The following PVALEF variants were observed in gnomAD, a reference collection of about 807,000 sequenced individuals.
PVALEF encodes parvalbumin like EF-hand containing.
A neutral mutation model predicts 1.2 loss-of-function variants in PVALEF; 2 were observed. The ratio of observed to expected loss-of-function variants is 1.68; its 90% CI spans 0.69 to 5.28. PVALEF has a LOEUF of 5.28. Among genes scored for constraint, PVALEF ranks in the 30% most tolerant of loss-of-function variants. The pLI is 0.06. For missense variants in PVALEF, 35 were observed against 17.7 expected, an observed-to-expected ratio of 1.97 and a Z score of -1.75; for synonymous variants, 16 against 6.5, an observed-to-expected ratio of 2.47 and a Z score of -2.24.
At chr17:81,169,869 C>T (rs112676082) in intron 2 of PVALEF, among the ~76,000 whole-genome samples, 163 of 151,156 alleles carry the variant, frequency 1.1e-3, no homozygotes, top group African/African-American at 3.1e-3. Flanking sequence ...TGTTCAGTTG[C>T]GTGTGTTGGT....
chr17:81,182,464 G>A (rs2061558094), intron 6 of PVALEF, among the ~76,000 whole-genome samples: 4 of 152,216 alleles, frequency 2.6e-5, no homozygotes, highest in African/African-American at 2.4e-5. Context: ...AGGTGGGCTG[G>A]GCCTCCAGAC....
intron 6 of PVALEF, 64 bp from the exon 7 acceptor site, chr17:81,182,901 G>C: frequency 2.5e-6 from 1 of 398,432 alleles, no homozygotes; most frequent in Non-Finnish European, 4.4e-6. Context: ...GAGAGTTAAA[G>C]GGCCTACAGG....
intron 5 of PVALEF, 104 bp from the exon 6 acceptor site, chr17:81,181,862 G>A (rs992822823): frequency 4.0e-5 from 16 of 397,932 alleles, no homozygotes; most frequent in South Asian, 1.4e-4. Context: ...CCAGGCTCCC[G>A]GCCCGAAGTG....
intron 2 of PVALEF, among the ~76,000 whole-genome samples, chr17:81,178,021 G>C (rs1179213727): frequency 6.6e-6 from 1 of 152,154 alleles, no homozygotes; most frequent in Admixed American, 6.5e-5. Flanking sequence ...TCTACACCTG[G>C]CTGGGACGGG....
intron 2 of PVALEF, among the ~76,000 whole-genome samples, chr17:81,171,953 G>A (rs1333964878): frequency 1.3e-5 from 2 of 152,118 alleles, no homozygotes; most frequent in Non-Finnish European, 2.9e-5. Flanking sequence ...GACAGCACCT[G>A]CCCGTTCCCT....
chr17:81,181,434 G>C, intron 4 of PVALEF, 102 bp downstream of exon 4: 1 of 525,250 alleles, frequency 1.9e-6, no homozygotes, highest in East Asian at 3.2e-5. Context: ...AGGACACCAG[G>C]ACCTGCGGCG....
intron 2 of PVALEF, 131 bp downstream of exon 2, chr17:81,166,975 C>G (rs2061498540): frequency 9.8e-6 from 3 of 305,450 alleles, no homozygotes; most frequent in South Asian, 7.3e-5. Flanking sequence ...CCCCAGCCTG[C>G]CCCCGTGGGA....
intron 2 of PVALEF, among the ~76,000 whole-genome samples, chr17:81,174,381 C>T (rs2061529982): frequency 6.6e-6 from 1 of 152,184 alleles, no homozygotes; most frequent in Non-Finnish European, 1.5e-5. Context: ...GTAATCCCAG[C>T]ACTTTGGGAG....
intron 1 of PVALEF, 135 bp downstream of exon 1, chr17:81,165,882 T>C (rs2061483506): frequency 5.2e-6 from 8 of 1,548,946 alleles, no homozygotes; most frequent in Non-Finnish European, 7.0e-6. Flanking sequence ...CCCAGGGGCA[T>C]CACGTCCGCA....
intron 2 of PVALEF, among the ~76,000 whole-genome samples, chr17:81,177,740 A>G (rs920219455): frequency 2.2e-4 from 34 of 152,340 alleles, no homozygotes; most frequent in African/African-American, 6.5e-4. Context: ...GTGTTCATCT[A>G]CATATTCCAA....
intron 2 of PVALEF, among the ~76,000 whole-genome samples, chr17:81,177,701 T>G (rs2061540352): frequency 7.0e-6 from 1 of 143,028 alleles, no homozygotes; most frequent in Non-Finnish European, 1.5e-5. Flanking sequence ...GCATCAAACG[T>G]GTGTTCTGCA....
At chr17:81,169,740 G>A (rs1370162055) in intron 2 of PVALEF, among the ~76,000 whole-genome samples, 3 of 141,280 alleles carry the variant, frequency 2.1e-5, no homozygotes, top group African/African-American at 5.2e-5. Flanking sequence ...GTGCGTGTGT[G>A]TGTACGTGTC....
chr17:81,176,466 C>A (rs1298643215), intron 2 of PVALEF, among the ~76,000 whole-genome samples: 1 of 152,018 alleles, frequency 6.6e-6, no homozygotes, highest in Non-Finnish European at 1.5e-5. Context: ...TGCAGTGAGC[C>A]GAGGTCATGC....
chr17:81,181,816 G>A (rs2146452035), intron 5 of PVALEF, 122 bp downstream of exon 5: 2 of 398,062 alleles, frequency 5.0e-6, no homozygotes, highest in South Asian at 1.4e-4. Context: ...GCAGGGCTGG[G>A]CCAGAACCAG....
At chr17:81,177,547 C>T (rs1286926186) in intron 2 of PVALEF, among the ~76,000 whole-genome samples, 2 of 151,370 alleles carry the variant, frequency 1.3e-5, no homozygotes, top group African/African-American at 4.9e-5. Flanking sequence ...GAGTAAGACT[C>T]CACCTCAATA....
intron 2 of PVALEF, among the ~76,000 whole-genome samples, chr17:81,176,926 C>CTT (rs34506557): frequency 0.038 from 5,016 of 130,792 alleles, 319 homozygotes; most frequent in African/African-American, 0.12. Context: ...GTATTAGTCA[C>CTT]TTTTTTTTTT....
intron 2 of PVALEF, among the ~76,000 whole-genome samples, chr17:81,167,145 G>A (rs977558182): frequency 3.3e-5 from 5 of 152,212 alleles, no homozygotes; most frequent in African/African-American, 1.2e-4. Flanking sequence ...TTAGAAAAAT[G>A]AGCCAGGCAT....
chr17:81,176,711 A>G (rs911105430), intron 2 of PVALEF, among the ~76,000 whole-genome samples: 2 of 152,134 alleles, frequency 1.3e-5, no homozygotes, highest in Non-Finnish European at 2.9e-5. Context: ...CAGCTCCTCA[A>G]ACACTTAAAT....
chr17:81,181,468 C>A (rs917379668), intron 4 of PVALEF, 91 bp from the exon 5 acceptor site: 6 of 501,580 alleles, frequency 1.2e-5, no homozygotes, highest in Non-Finnish European at 2.1e-5. Context: ...GGGTGCAGGA[C>A]CCGGCAGCCC....
Sources: gnomAD v4.1 joint callset for allele counts (sites outside exome capture counted in the v4.1 genomes callset) on GRCh38, gnomAD v4.1.1 for gene constraint, MANE v1.5 for transcripts, NCBI Gene and HGNC (gene_info 2026-07-23, HGNC 2026-07-21) for gene names.